Variants in IPO8 observed in about 807,000 individuals in gnomAD.
IPO8 encodes importin-8.
IPO8 carries 65 observed loss-of-function variants against 141.2 expected under a neutral mutation model. The observed-to-expected ratio is 0.46, with a 90% CI of 0.38 to 0.57. IPO8 has a LOEUF of 0.57. Ranked by LOEUF, IPO8 falls within the 20% of genes least tolerant of loss-of-function variation. The pLI, the probability that IPO8 is intolerant of heterozygous loss-of-function variation, is 0.00. For missense variants in IPO8, 980 were observed against 1,246.8 expected (o/e 0.79, Z 3.22); for synonymous variants, 411 against 420.3 (o/e 0.98, Z 0.27).
At chr12:30,646,202 A>C (rs1157755609) in intron 20 of IPO8, among the ~76,000 whole-genome samples, 2 of 152,202 alleles carry the variant, frequency 1.3e-5, no homozygotes, top group Non-Finnish European at 2.9e-5. Context: ...GTTTGATTTA[A>C]AATCTGAAAA....
rs749150908 is a variant in IPO8 at position 30,676,523 on chromosome 12, G to A, written c.704C>T (p.Thr235Ile). The change falls in exon 6 of 25, where the codon ACT (threonine) becomes ATT (isoleucine). Residue 235 changes from threonine (T) to isoleucine (I), a missense_variant. Thr to Ile is a moderately conservative substitution (Grantham distance 89, BLOSUM62 -1). Transcript: ENST00000256079. ...TMTTWMEIFRTIIDRTVPPET... is the reference protein window; with the variant it reads ...TMTTWMEIFRIIIDRTVPPET... ...AGGAGGAACGGTCCTGTCGATAATA[G>A]TTCGGAAGATCTCCATCCATGTTGT... The A allele has an allele frequency of 6.2e-7, 1 of 1,613,268 alleles. No individual in the cohort carries two copies. Among genetic ancestry groups the A allele is most frequent in the Non-Finnish European group, 8.5e-7 (1 of 1,179,384 alleles).
intron 5 of IPO8, chr12:30,677,063 T>C (rs1040300960): frequency 2.0e-6 from 3 of 1,522,044 alleles, no homozygotes; most frequent in African/African-American, 2.8e-5. Context: ...GTACTGTGAG[T>C]TGCAGAAGAC....
chr12:30,691,978 A>C (rs1311508373), intron 1 of IPO8, among the ~76,000 whole-genome samples: 1 of 152,236 alleles, frequency 6.6e-6, no homozygotes, highest in Non-Finnish European at 1.5e-5. Context: ...TGAAACCATC[A>C]GAATTTCAAA....
At chr12:30,682,618 C>T (rs1362106175) in intron 3 of IPO8, among the ~76,000 whole-genome samples, 1 of 151,998 alleles carries the variant, frequency 6.6e-6, no homozygotes, top group Non-Finnish European at 1.5e-5. Context: ...GGAAAAATTT[C>T]TTTTCTATAA....
chr12:30,658,330 G>A (rs974027722), intron 16 of IPO8, among the ~76,000 whole-genome samples: 1 of 152,164 alleles, frequency 6.6e-6, no homozygotes, highest in Non-Finnish European at 1.5e-5. Flanking sequence ...CTTTTAATAA[G>A]TTAAAGCTCA....
chr12:30,653,433 A>C (rs1210117277), intron 17 of IPO8, among the ~76,000 whole-genome samples: 1 of 152,086 alleles, frequency 6.6e-6, no homozygotes, highest in Non-Finnish European at 1.5e-5. Context: ...ATCATTCCTC[A>C]TTTATGTCGA....
chr12:30,660,934 T>A (rs58534213), intron 16 of IPO8, among the ~76,000 whole-genome samples: 80,478 of 148,684 alleles, frequency 0.54, 22,537 homozygotes, highest in African/African-American at 0.67. Flanking sequence ...AATATTTACA[T>A]TATAATATTA....
chr12:30,643,611 T>G (rs75283371), intron 20 of IPO8, among the ~76,000 whole-genome samples: 8,242 of 152,312 alleles, frequency 0.054, 346 homozygotes, highest in African/African-American at 0.11. Context: ...TTGGGGCCAT[T>G]CTCCTGTTGT....
chr12:30,690,774 A>C (rs558168983), intron 1 of IPO8, among the ~76,000 whole-genome samples, 197 bp from the exon 2 acceptor site: 1 of 152,252 alleles, frequency 6.6e-6, no homozygotes, highest in Non-Finnish European at 1.5e-5. Context: ...GATGAATAAA[A>C]GAATGTGAAC....
intron 20 of IPO8, among the ~76,000 whole-genome samples, chr12:30,644,154 A>T (rs1447768227): frequency 3.3e-5 from 5 of 152,256 alleles, no homozygotes; most frequent in African/African-American, 1.2e-4. Flanking sequence ...GATCACTTGA[A>T]GCCAGGAGTT....
chr12:30,630,923 G>C lies in IPO8; in HGVS notation c.3051C>G (p.Phe1017Leu). 6.2e-7 allele frequency: 1 copy of C among 1,613,692 alleles called. No individual in the cohort carries two copies. Residue 1017 changes from phenylalanine (F) to leucine (L), a missense_variant, in exon 25 of 25, where the codon TTC becomes TTG. By Grantham distance (22) the Phe-to-Leu change is conservative. Coordinates refer to ENST00000256079, the MANE Select transcript of IPO8 (RefSeq NM_006390.4). ...AKKKIEQQGGFTFENKGVLSA... is the reference protein window; with the variant it reads ...AKKKIEQQGGLTFENKGVLSA... ...AGAGGACTCCTTTGTTTTCAAAGGTGAAGCCTCCCTGTTGTTCAATCTTCT... is the reference window on the plus strand; with the variant it reads ...AGAGGACTCCTTTGTTTTCAAAGGTCAAGCCTCCCTGTTGTTCAATCTTCT...
chr12:30,651,904 G>A (rs557986146), intron 19 of IPO8, among the ~76,000 whole-genome samples: 3 of 152,054 alleles, frequency 2.0e-5, no homozygotes, highest in South Asian at 2.1e-4. Context: ...TTAACAAAAC[G>A]TGTGGTTAAT....
At chr12:30,642,946 A>G (rs932523395) in intron 20 of IPO8, among the ~76,000 whole-genome samples, 4 of 152,220 alleles carry the variant, frequency 2.6e-5, no homozygotes, top group African/African-American at 9.7e-5. Flanking sequence ...GGATCTATAC[A>G]TTCATAAGGA....
intron 5 of IPO8, 70 bp from the exon 6 acceptor site, chr12:30,676,657 T>C: frequency 3.7e-6 from 4 of 1,073,968 alleles, no homozygotes; most frequent in South Asian, 1.3e-5. Flanking sequence ...TTATCTATAT[T>C]GTAAGGCTAA....
chr12:30,650,977 C>T (rs769711847), intron 19 of IPO8, among the ~76,000 whole-genome samples: 2 of 151,788 alleles, frequency 1.3e-5, no homozygotes, highest in Non-Finnish European at 2.9e-5. Context: ...AAGAATTCGA[C>T]AAATATTAGC....
At chr12:30,651,811 T>C (rs981483385) in intron 19 of IPO8, among the ~76,000 whole-genome samples, 2 of 152,090 alleles carry the variant, frequency 1.3e-5, no homozygotes, top group Non-Finnish European at 2.9e-5. Flanking sequence ...TTATGTTGTT[T>C]ATGCTCAAAT....
At position 30,654,901 on chromosome 12, in the gene IPO8, C is replaced by T. The variant is rs538332393; in HGVS notation, c.1948+1783G>A. Among the ~76,000 whole-genome samples the T allele has an allele frequency of 3.3e-5, 5 of 152,074 alleles. No individual in the cohort carries two copies. The East Asian group carries it at 9.7e-4, about 29-fold the overall frequency. On this transcript the variant is annotated intron_variant, in intron 17 of 24. Transcript: ENST00000256079. ...GATCTTGAAGAGATAATGTGCCCTC[C>T]TATGTTCACTGAAGCATGTTTCACA...
intron 7 of IPO8, among the ~76,000 whole-genome samples, chr12:30,674,390 T>A (rs544810923): frequency 6.6e-6 from 1 of 152,322 alleles, no homozygotes; most frequent in South Asian, 2.1e-4. Flanking sequence ...TTTGACATTA[T>A]TACGGAGTTG....
Position 30,636,991 on chromosome 12 carries a change from C to T in IPO8, c.2686G>A (p.Glu896Lys), listed in dbSNP as rs779240327. The change falls in exon 22 of 25, where the codon GAA becomes AAA. Residue 896 changes from glutamate to lysine, a missense_variant. By Grantham distance (56) the Glu-to-Lys change is moderately conservative (BLOSUM62 1). Coordinates refer to ENST00000256079, the MANE Select transcript of IPO8 (RefSeq NM_006390.4). ...DRSKAEKADMEENEEISSDEE... is the reference protein window; with the variant it reads ...DRSKAEKADMKENEEISSDEE... Reference sequence around the variant, plus strand: ...AATTAGAAGACTTTACCATTTTCTTCCATATCAGCTTTCTCTGCTTTTGAA... The same window carrying T: ...AATTAGAAGACTTTACCATTTTCTTTCATATCAGCTTTCTCTGCTTTTGAA... 2.0e-5 allele frequency: 33 copies of T among 1,613,326 alleles called. No homozygotes were observed. The highest frequency in any genetic ancestry group is 2.8e-5 in the Non-Finnish European group (33 of 1,179,448).
Sources: gnomAD v4.1 joint callset for allele counts (sites outside exome capture counted in the v4.1 genomes callset) on GRCh38, gnomAD v4.1.1 for gene constraint, MANE v1.5 for transcripts, NCBI Gene and HGNC (gene_info 2026-07-23, HGNC 2026-07-21) for gene names.